Variants in HEATR4 observed in about 807,000 individuals in gnomAD.
HEATR4 encodes HEAT repeat-containing protein 4.
A neutral mutation model predicts 108.8 loss-of-function variants in HEATR4; 95 were observed. The observed-to-expected ratio is 0.87, with a 90% CI of 0.74 to 1.04. The LOEUF is 1.04. HEATR4 is among the 50% of genes least tolerant of loss of function. HEATR4 has a pLI of 0.00. For synonymous variants in HEATR4, 443 were observed against 459.4 expected, an observed-to-expected ratio of 0.96 and a Z score of 0.46; for missense variants, 1,152 against 1,253.8, an observed-to-expected ratio of 0.92 and a Z score of 1.23.
chr14:73,614,026 CAAAAA>C, the HEATR4 span, among the ~76,000 whole-genome samples: 7,451 of 92,746 alleles, frequency 0.08, 178 homozygotes, highest in East Asian at 0.2. Flanking sequence ...TCTGTCTCTA[CAAAAA>C]AAAAAAAAAA....
chr14:73,631,053 A>G, the HEATR4 span, among the ~76,000 whole-genome samples: 3 of 152,204 alleles, frequency 2.0e-5, no homozygotes, highest in African/African-American at 4.8e-5. Flanking sequence ...CTCTTGGTCC[A>G]ATGGCCATGT....
At chr14:73,599,451 G>A in the HEATR4 span, among the ~76,000 whole-genome samples, 1 of 152,114 alleles carries the variant, frequency 6.6e-6, no homozygotes, top group Admixed American at 6.6e-5. Context: ...ACCACTGTTC[G>A]AAGTGACACG....
At chr14:73,499,385 T>TA (rs377637209) in intron 12 of HEATR4, among the ~76,000 whole-genome samples, 150 of 151,890 alleles carry the variant, frequency 9.9e-4, no homozygotes, top group African/African-American at 3.4e-3. Flanking sequence ...GAGGCTGAGG[T>TA]AGGAGAATTG....
At chr14:73,491,396 G>C (rs983305043) in intron 17 of HEATR4, 5 of 1,348,044 alleles carry the variant, frequency 3.7e-6, no homozygotes, top group Non-Finnish European at 3.8e-6. Context: ...GCCCGCTTCC[G>C]CGCCGCCCGC....
At chr14:73,497,583 A>T (rs1253081718) in intron 14 of HEATR4, among the ~76,000 whole-genome samples, 7 of 152,164 alleles carry the variant, frequency 4.6e-5, no homozygotes, top group African/African-American at 1.7e-4. Context: ...TTGTCCCAAT[A>T]GGCATTTGAT....
At position 73,512,148 on chromosome 14, in the gene HEATR4, G is replaced by A. The variant is rs758291811; in HGVS notation, c.1416C>T (p.Ile472=). The change falls in exon 7 of 18, where the codon ATC becomes ATT. Residue 472 remains isoleucine, a splice_region_variant and synonymous_variant. Transcript: ENST00000553558. ...LKEWKTAWAL[I]IEWHHETVEN... ...CTACTGTCTCATGGTGCCACTCTAT[G>A]ACTGAGCCGCAGTGAGGGAAATGAA... The A allele has an allele frequency of 4.3e-6, 7 of 1,614,118 alleles. No homozygotes were observed. The highest frequency in any genetic ancestry group is 3.3e-5 in the Admixed American group (2 of 60,014).
the HEATR4 span, among the ~76,000 whole-genome samples, chr14:73,589,860 T>C: frequency 0.2 from 30,921 of 152,002 alleles, 5,839 homozygotes; most frequent in African/African-American, 0.5. Context: ...TTCGTGGTCT[T>C]GCTGGCTCAG....
In HEATR4 at chr14:73,502,870, T is replaced by A. The variant is rs1886565485; in HGVS notation, c.2105+25A>T. ...ACACTTCTAAGAATTTAGAAGAGTG[T>A]CTCCTCATGTTGACTGGGTCTTACC... On this transcript the variant is annotated intron_variant, in intron 11 of 17. Transcript: ENST00000553558. 4 of 1,540,908 alleles carry A rather than the reference T, an allele frequency of 2.6e-6. No homozygotes were observed. The African/African-American group carries it at 5.4e-5, about 21-fold the overall frequency.
chr14:73,500,939 A>G (rs535157805), intron 11 of HEATR4, among the ~76,000 whole-genome samples: 1 of 152,326 alleles, frequency 6.6e-6, no homozygotes, highest in South Asian at 2.1e-4. Context: ...GTAATTAGGT[A>G]ATGCAGGGCT....
chr14:73,493,594 T>G (rs573957230), intron 16 of HEATR4, among the ~76,000 whole-genome samples: 20 of 152,136 alleles, frequency 1.3e-4, no homozygotes, highest in African/African-American at 4.8e-4. Context: ...TCCTAGCACT[T>G]TAGGAGGCCG....
chr14:73,509,811 C>CATATATAT lies in HEATR4; in HGVS notation c.1559-346_1559-339dup, dbSNP rs1566832128. ...AAGCAACCAATTTGCCCCATGAGCCCATATATATATATATATATATATATA... is the reference window on the plus strand; with the variant it reads ...AAGCAACCAATTTGCCCCATGAGCCCATATATATATATATATATATATATATATATATA... On this transcript the variant is annotated intron_variant, in intron 7 of 17. Coordinates refer to ENST00000553558, the MANE Select transcript of HEATR4 (RefSeq NM_001220484.1). Among the ~76,000 whole-genome samples, 31 of 19,494 alleles carry CATATATAT rather than the reference C, an allele frequency of 1.6e-3. 4 individuals carry two copies. Among genetic ancestry groups the CATATATAT allele is most frequent in the Non-Finnish European group, 2.2e-3 (25 of 11,122 alleles). 12.8% of individuals were successfully genotyped at this position (19,494 alleles called of 152,430 possible).
At chr14:73,585,548 G>C in the HEATR4 span, among the ~76,000 whole-genome samples, 1 of 151,960 alleles carries the variant, frequency 6.6e-6, no homozygotes, top group Non-Finnish European at 1.5e-5. Context: ...AATTAGCCGG[G>C]CTTGGTAGCA....
At chr14:73,526,442 G>A (rs58358744) in intron 2 of HEATR4, among the ~76,000 whole-genome samples, 13,022 of 152,204 alleles carry the variant, frequency 0.086, 710 homozygotes, top group African/African-American at 0.15. Context: ...GTGTGTGACC[G>A]CGTGTGACAC....
the HEATR4 span, among the ~76,000 whole-genome samples, chr14:73,626,521 T>C: frequency 6.6e-6 from 1 of 152,082 alleles, no homozygotes; most frequent in Admixed American, 6.6e-5. Context: ...AAAGAAGCCA[T>C]CTCCATAATG....
the HEATR4 span, among the ~76,000 whole-genome samples, chr14:73,610,351 C>T: frequency 7.0e-6 from 1 of 143,336 alleles, no homozygotes; most frequent in East Asian, 2.4e-4. Flanking sequence ...AGAGCAGTGG[C>T]GAGATCTCGG....
chr14:73,504,478 G>A (rs952944494), intron 10 of HEATR4, among the ~76,000 whole-genome samples: 3 of 152,038 alleles, frequency 2.0e-5, no homozygotes, highest in Non-Finnish European at 4.4e-5. Flanking sequence ...TCCTGACCTC[G>A]TGATCCGCCC....
chr14:73,569,645 G>T, the HEATR4 span: 1 of 1,603,924 alleles, frequency 6.2e-7, no homozygotes, highest in Non-Finnish European at 8.5e-7. Context: ...GCAGCTTCGC[G>T]GGGCTTGAGC....
At chr14:73,531,956 C>T (rs1888721748) in intron 1 of HEATR4, among the ~76,000 whole-genome samples, 1 of 114,588 alleles carries the variant, frequency 8.7e-6, no homozygotes, top group South Asian at 2.8e-4. Flanking sequence ...CGCCTGGACC[C>T]AGGAAGCAGA....
chr14:73,568,464 C>A, the HEATR4 span, among the ~76,000 whole-genome samples: 3 of 151,566 alleles, frequency 2.0e-5, no homozygotes, highest in Non-Finnish European at 4.4e-5. Flanking sequence ...GAGGCTGAGT[C>A]AGGAAGATGG....
Sources: gnomAD v4.1 joint callset for allele counts (sites outside exome capture counted in the v4.1 genomes callset) on GRCh38, gnomAD v4.1.1 for gene constraint, MANE v1.5 for transcripts, NCBI Gene and HGNC (gene_info 2026-07-23, HGNC 2026-07-21) for gene names.